Variants in DEF8 observed in about 807,000 individuals in gnomAD.
DEF8 encodes DEF-8.
Under a neutral mutation model 59.1 loss-of-function variants are expected in DEF8, and 38 were observed. The observed-to-expected ratio is 0.64, with a 90% CI of 0.50 to 0.84. The LOEUF is 0.84. Among genes scored for constraint, DEF8 ranks in the 40% least tolerant of loss-of-function variants. DEF8 has a pLI of 0.00. For missense variants in DEF8, 557 were observed against 615.2 expected (o/e 0.91, Z 1.00); for synonymous variants, 265 against 250.1 (o/e 1.06, Z -0.56).
Position 89,957,604 on chromosome 16 carries a change from C to G in DEF8, c.316C>G (p.Gln106Glu). The change falls in exon 5 of 13, where the codon CAG (glutamine) becomes GAG (glutamate). Residue 106 changes from glutamine to glutamate, a missense_variant. Coordinates refer to ENST00000563594, the MANE Select transcript of DEF8 (RefSeq NM_001242818.2). Reference sequence around the variant, plus strand: ...GGAGCTGCCCGAGCAGTCGGAGAAGCAGAAGGATGCCGTGGTGCGACTCAT... The same window carrying G: ...GGAGCTGCCCGAGCAGTCGGAGAAGGAGAAGGATGCCGTGGTGCGACTCAT... ...ILELPEQSEK[Q>E]KDAVVRLIHL... 2.5e-6 allele frequency: 4 copies of G among 1,583,346 alleles called. No homozygotes were observed. Among genetic ancestry groups the G allele is most frequent in the Non-Finnish European group, 3.4e-6 (4 of 1,165,232 alleles).
intron 2 of DEF8, among the ~76,000 whole-genome samples, chr16:89,953,938 A>C (rs3803686): frequency 0.26 from 38,842 of 151,994 alleles, 5,509 homozygotes; most frequent in African/African-American, 0.4. Context: ...AACATTGGGC[A>C]AGAGGACCCT....
chr16:89,959,345 G>C (rs2033711829), intron 6 of DEF8, 190 bp downstream of exon 6: 1 of 1,439,148 alleles, frequency 6.9e-7, no homozygotes, highest in South Asian at 1.5e-5. Context: ...TTCTGGATGA[G>C]AAATTAAACT....
Position 89,964,187 on chromosome 16 carries a change from T to G in DEF8, c.1020T>G (p.His340Gln). ...CTTGGCAGCTCCAGGATCGGCAGCA[T>G]TTTGTGGAGAACGACGAGATGTACT... ...RLLLQLQDRQ[H>Q]FVENDEMYSV... Residue 340 changes from histidine (H) to glutamine (Q), a missense_variant, in exon 11 of 13, where the codon CAT becomes CAG. Physicochemically the swap from His to Gln is conservative, Grantham distance 24. Coordinates refer to ENST00000563594, the MANE Select transcript of DEF8 (RefSeq NM_001242818.2). The G allele has an allele frequency of 6.2e-7, 1 of 1,613,572 alleles. No homozygotes were observed. The highest frequency in any genetic ancestry group is 8.5e-7 in the Non-Finnish European group (1 of 1,179,808).
rs80226537 is a variant in DEF8, at chr16:89,967,970, G to C, written c.*2007G>C. On this transcript the variant is annotated 3_prime_UTR_variant, in exon 13 of 13. Coordinates refer to ENST00000563594, the MANE Select transcript of DEF8 (RefSeq NM_001242818.2). ...AGCACCTTGTGGAAGACCACACATG[G>C]GTGGTCCCACAGCATGGGACCAGGC... 2,071 of 152,668 alleles carry C rather than the reference G, an allele frequency of 0.014. 57 individuals carry two copies. Among genetic ancestry groups the C allele is most frequent in the African/African-American group, 0.047 (1,947 of 41,572 alleles). 9.5% of individuals were successfully genotyped at this position (152,668 alleles called of 1,614,324 possible).
intron 9 of DEF8, 133 bp from the exon 10 acceptor site, chr16:89,963,230 A>C: frequency 1.5e-6 from 1 of 646,802 alleles, no homozygotes; most frequent in Non-Finnish European, 2.6e-6. Context: ...GGTTTTGGTG[A>C]AGCACTCAGA....
intron 4 of DEF8, among the ~76,000 whole-genome samples, chr16:89,955,486 C>T (rs2033007087): frequency 6.6e-6 from 1 of 152,186 alleles, no homozygotes; most frequent in Non-Finnish European, 1.5e-5. Flanking sequence ...CCCTCAGAGC[C>T]TGAGTGAAGG....
intron 4 of DEF8, chr16:89,956,628 C>T (rs1037924462): frequency 6.6e-6 from 1 of 151,932 alleles, no homozygotes; most frequent in Non-Finnish European, 1.5e-5. Flanking sequence ...ACCTCAGCTT[C>T]CTGATTAGCT....
intron 10 of DEF8, 99 bp downstream of exon 10, chr16:89,963,542 G>A: frequency 1.0e-6 from 1 of 969,426 alleles, no homozygotes; most frequent in South Asian, 1.5e-5. Context: ...TGCGTGGAGT[G>A]CCTTTAGCAG....
intron 2 of DEF8, 67 bp downstream of exon 2, chr16:89,949,580 G>C: frequency 1.2e-6 from 2 of 1,613,306 alleles, no homozygotes; most frequent in Non-Finnish European, 1.7e-6. Context: ...CGGGGTGGCA[G>C]CTGCAGTGAT....
intron 6 of DEF8, among the ~76,000 whole-genome samples, chr16:89,960,678 T>C (rs2033915309): frequency 6.6e-6 from 1 of 151,768 alleles, no homozygotes; most frequent in Non-Finnish European, 1.5e-5. Context: ...GGTCTGGTGG[T>C]GGGAGTGGCA....
intron 2 of DEF8, 135 bp downstream of exon 2, chr16:89,949,648 T>A: frequency 6.2e-7 from 1 of 1,601,290 alleles, no homozygotes; most frequent in East Asian, 2.2e-5. Flanking sequence ...GGTCCGTGCA[T>A]CCCGCGTGTC....
At chr16:89,949,253 C>A (rs1375009658) in intron 1 of DEF8, among the ~76,000 whole-genome samples, 164 bp from the exon 2 acceptor site, 1 of 151,962 alleles carries the variant, frequency 6.6e-6, no homozygotes, top group Non-Finnish European at 1.5e-5. Flanking sequence ...TCAGGGGACC[C>A]GCGTGGCCGT....
At chr16:89,962,363 T>TA (rs1457266090) in intron 9 of DEF8, among the ~76,000 whole-genome samples, 1 of 152,164 alleles carries the variant, frequency 6.6e-6, no homozygotes, top group East Asian at 1.9e-4. Context: ...ATAGCCACGT[T>TA]AAAAAAGTAA....
Position 89,954,455 on chromosome 16 carries a change from C to G in DEF8, c.124+79C>G. The G allele has an allele frequency of 2.0e-6, 3 of 1,489,590 alleles. No homozygotes were observed. The highest frequency in any genetic ancestry group is 2.7e-6 in the Non-Finnish European group (3 of 1,098,492). 92.3% of individuals were successfully genotyped at this position (1,489,590 alleles called of 1,614,324 possible). ...GTGGACCCCTCCTTTCTTCCTGCCGCGTCCTGCGCAGCCCTGGCTTTCCCA... is the reference window on the plus strand; with the variant it reads ...GTGGACCCCTCCTTTCTTCCTGCCGGGTCCTGCGCAGCCCTGGCTTTCCCA... On this transcript the variant is annotated intron_variant, in intron 3 of 12. Coordinates refer to ENST00000563594, the MANE Select transcript of DEF8 (RefSeq NM_001242818.2). The surrounding 1 kb of genome is among the most constrained non-coding windows in gnomAD (Gnocchi z 4.3).
chr16:89,963,299 G>A (rs948899703), intron 9 of DEF8, 64 bp from the exon 10 acceptor site: 8 of 1,451,052 alleles, frequency 5.5e-6, no homozygotes, highest in Non-Finnish European at 7.6e-6. Context: ...CGGGTGTGCG[G>A]CCCACACAGG....
intron 1 of DEF8, 120 bp downstream of exon 1, chr16:89,948,934 G>T (rs1236603165): frequency 2.4e-5 from 1 of 42,188 alleles, no homozygotes; most frequent in African/African-American, 1.9e-4. Flanking sequence ...CGGGGACGGG[G>T]TCGGCGGGGA....
At chr16:89,949,731 G>A (rs1191264547) in intron 2 of DEF8, 1 of 1,247,468 alleles carries the variant, frequency 8.0e-7, no homozygotes, top group African/African-American at 1.5e-5. Flanking sequence ...TCATTGCTAA[G>A]TTGTGGGGTC....
At position 89,961,824 on chromosome 16, in the gene DEF8, C is replaced by T; in HGVS notation, c.767C>T (p.Pro256Leu). The T allele has an allele frequency of 3.1e-6, 5 of 1,611,598 alleles. No homozygotes were observed. The highest frequency in any genetic ancestry group is 4.2e-6 in the Non-Finnish European group (5 of 1,178,824). The change falls in exon 8 of 13, where the codon CCT becomes CTT. Residue 256 changes from proline (P) to leucine (L), a missense_variant. By Grantham distance (98) the Pro-to-Leu change is moderately conservative. Coordinates refer to ENST00000563594, the MANE Select transcript of DEF8 (RefSeq NM_001242818.2). ...HCHWNDLAVIPARVVHNWDFE... is the reference protein window; with the variant it reads ...HCHWNDLAVILARVVHNWDFE... ...CACTGGAACGACCTGGCTGTGATCCCTGCACGCGTTGTACACAACTGGGAC... is the reference window on the plus strand; with the variant it reads ...CACTGGAACGACCTGGCTGTGATCCTTGCACGCGTTGTACACAACTGGGAC...
At chr16:89,963,085 G>T (rs1397197081) in intron 9 of DEF8, among the ~76,000 whole-genome samples, 1 of 152,254 alleles carries the variant, frequency 6.6e-6, no homozygotes, top group Non-Finnish European at 1.5e-5. Context: ...CGGAAGTTTG[G>T]CTTGGTCCTG....
Sources: gnomAD v4.1 joint callset for allele counts (sites outside exome capture counted in the v4.1 genomes callset) on GRCh38, gnomAD v4.1.1 for gene constraint, Gnocchi (gnomAD v3.1) non-coding constraint, MANE v1.5 for transcripts, NCBI Gene and HGNC (gene_info 2026-07-23, HGNC 2026-07-21) for gene names.